The following FOXO1 variants were observed in gnomAD, a reference collection of about 807,000 sequenced individuals.
The protein encoded by FOXO1 is forkhead box O1, also known as forkhead box protein O1.
In FOXO1, 6 loss-of-function variants were observed where a neutral mutation model predicts 44.1. The ratio of observed to expected loss-of-function variants is 0.14; its 90% CI spans 0.07 to 0.27. FOXO1 has a LOEUF of 0.27. FOXO1 is among the 10% of genes least tolerant of loss of function. The probability of loss-of-function intolerance (pLI) is 1.00; values close to 1 mark genes in which losing one functional copy is unlikely to be tolerated. For missense variants in FOXO1, 737 were observed against 888.8 expected (o/e 0.83, Z 2.17); for synonymous variants, 380 against 362.7 (o/e 1.05, Z -0.54).
rs59318977 is a variant in FOXO1, at chr13:40,651,091, GT to G, written c.630+14491del. On this transcript the variant is annotated intron_variant, in intron 1 of 2. Coordinates refer to ENST00000379561, the MANE Select transcript of FOXO1 (RefSeq NM_002015.4). ...CACTGCCTAGTTTTTTTGGTTTTTT[GT>G]TTTTTGTTTTTTGTTTTTGTTTTTT... Among the ~76,000 whole-genome samples the G allele has an allele frequency of 1.5e-4, 23 of 150,354 alleles. No individual in the cohort carries two copies. The East Asian group carries it at 3.2e-3, about 21-fold the overall frequency.
In FOXO1 at chr13:40,557,454, C is replaced by T. The variant is rs986319182; in HGVS notation, c.*1595G>A. The T allele has an allele frequency of 5.3e-5, 8 of 152,224 alleles. No homozygotes were observed. Among genetic ancestry groups the T allele is most frequent in the African/African-American group, 1.9e-4 (8 of 41,466 alleles). 9.4% of individuals were successfully genotyped at this position (152,224 alleles called of 1,614,324 possible). A position where few individuals can be genotyped will look rare whatever the true frequency, so the allele number is the denominator to read the frequency against. Reference sequence around the variant, plus strand: ...CTTTTAACATAATCTCAATGCACAACTTACAGCTGGTTTTCAAATAAATCT... The same window carrying T: ...CTTTTAACATAATCTCAATGCACAATTTACAGCTGGTTTTCAAATAAATCT... On this transcript the variant is annotated 3_prime_UTR_variant, in exon 3 of 3. Coordinates refer to ENST00000379561, the MANE Select transcript of FOXO1 (RefSeq NM_002015.4).
At chr13:40,617,262 A>G (rs1461001485) in intron 1 of FOXO1, among the ~76,000 whole-genome samples, 2 of 152,170 alleles carry the variant, frequency 1.3e-5, no homozygotes, top group African/African-American at 4.8e-5. Context: ...CCTGACCAAC[A>G]TGGAGAAGAC....
chr13:40,619,631 G>A (rs1267314289), intron 1 of FOXO1: 19 of 1,544,200 alleles, frequency 1.2e-5, no homozygotes, highest in African/African-American at 2.7e-5. Context: ...GTGGCTAGGC[G>A]AACAAGAAGC....
chr13:40,597,994 CCTCAGAGAATCGGG>C (rs1246702133), intron 1 of FOXO1, among the ~76,000 whole-genome samples: 1 of 152,134 alleles, frequency 6.6e-6, no homozygotes, highest in African/African-American at 2.4e-5. Context: ...GCTTTCCCAG[CCTCAGAGAATCGGG>C]CTCTCGTTTT....
intron 1 of FOXO1, among the ~76,000 whole-genome samples, chr13:40,583,655 C>T (rs1043999157): frequency 3.9e-5 from 6 of 152,216 alleles, no homozygotes; most frequent in Non-Finnish European, 7.3e-5. Flanking sequence ...CCTCACCTCC[C>T]TCAACCTTCA....
At chr13:40,563,471 C>G (rs1287854094) in intron 1 of FOXO1, among the ~76,000 whole-genome samples, 2 of 152,156 alleles carry the variant, frequency 1.3e-5, no homozygotes, top group East Asian at 3.8e-4. Flanking sequence ...ACGTGACAAG[C>G]CCTCCTGCCA....
intron 1 of FOXO1, among the ~76,000 whole-genome samples, chr13:40,633,297 TA>T (rs1357962834): frequency 2.6e-5 from 4 of 152,110 alleles, no homozygotes; most frequent in Admixed American, 6.5e-5. Context: ...TATATGCACA[TA>T]AAAAAACTAT....
chr13:40,609,814 C>T (rs1218858346), intron 1 of FOXO1, among the ~76,000 whole-genome samples: 5 of 152,004 alleles, frequency 3.3e-5, no homozygotes, highest in Non-Finnish European at 5.9e-5. Flanking sequence ...TTTTATGAGC[C>T]GCTCATTAAA....
rs183162957 is a variant in FOXO1, at chr13:40,599,554, G to A, written c.631-38694C>T. On this transcript the variant is annotated intron_variant, in intron 1 of 2. Transcript: ENST00000379561. The stretch of plus-strand genomic sequence containing the variant: ...ACTTACTAGCACTTATGTTCGTTTT[G>A]TTTATTGAAATTTATACAAATGGAA... Among the ~76,000 whole-genome samples the A allele has an allele frequency of 2.0e-3, 297 of 152,254 alleles. 1 individual carries two copies. The highest frequency in any genetic ancestry group is 6.6e-3 in the African/African-American group (276 of 41,538).
chr13:40,593,759 C>CA (rs1209559663), intron 1 of FOXO1, among the ~76,000 whole-genome samples: 1 of 152,074 alleles, frequency 6.6e-6, no homozygotes, highest in Non-Finnish European at 1.5e-5. Context: ...TATAATGTAA[C>CA]AAAAAAATCA....
chr13:40,642,736 T>G (rs1423550655), intron 1 of FOXO1, among the ~76,000 whole-genome samples: 1 of 151,912 alleles, frequency 6.6e-6, no homozygotes, highest in Non-Finnish European at 1.5e-5. Context: ...CTGGGCAACA[T>G]GGCAAAACAC....
chr13:40,606,418 T>C (rs945106114), intron 1 of FOXO1, among the ~76,000 whole-genome samples: 1 of 152,184 alleles, frequency 6.6e-6, no homozygotes, highest in Non-Finnish European at 1.5e-5. Context: ...CAAGTGATTC[T>C]CCTGTCTCAG....
At chr13:40,653,005 T>C (rs1321457972) in intron 1 of FOXO1, among the ~76,000 whole-genome samples, 1 of 152,152 alleles carries the variant, frequency 6.6e-6, no homozygotes, top group African/African-American at 2.4e-5. Flanking sequence ...AGTATTGCTC[T>C]GTCGCCCAGG....
intron 1 of FOXO1, among the ~76,000 whole-genome samples, chr13:40,565,105 C>T (rs1874216250): frequency 6.6e-6 from 1 of 151,672 alleles, no homozygotes; most frequent in Non-Finnish European, 1.5e-5. Context: ...GCCTCAATAA[C>T]TGTTTGTTGC....
chr13:40,615,634 C>T (rs776970670), intron 1 of FOXO1, among the ~76,000 whole-genome samples: 1 of 152,042 alleles, frequency 6.6e-6, no homozygotes, highest in African/African-American at 2.4e-5. Flanking sequence ...TGATTATCAA[C>T]AATGAGGTCA....
At chr13:40,567,978 A>C (rs977516975) in intron 1 of FOXO1, among the ~76,000 whole-genome samples, 1 of 152,062 alleles carries the variant, frequency 6.6e-6, no homozygotes, top group Non-Finnish European at 1.5e-5. Context: ...AAAAAAAAAA[A>C]ATTTACACAA....
intron 1 of FOXO1, chr13:40,620,535 A>C (rs1876574718): frequency 2.2e-6 from 1 of 445,078 alleles, no homozygotes. Context: ...CACTAGAGAG[A>C]AGCTCTGGTT....
chr13:40,594,418 A>G (rs1399493680), intron 1 of FOXO1, among the ~76,000 whole-genome samples: 2 of 152,194 alleles, frequency 1.3e-5, no homozygotes, highest in Admixed American at 1.3e-4. Context: ...ACTGAGGCCC[A>G]GGGAGACAAA....
At position 40,665,620 on chromosome 13, in the gene FOXO1, T is replaced by G. The variant is rs1434596062; in HGVS notation, c.593A>C (p.Lys198Thr). The part of the protein sequence containing the change: ...EWMVKSVPYF[K>T]DKGDSNSSAG... ...CGAGCTGTTGCTGTCACCCTTATCCTTGAAGTAGGGCACGCTCTTGACCAT... is the reference window on the plus strand; with the variant it reads ...CGAGCTGTTGCTGTCACCCTTATCCGTGAAGTAGGGCACGCTCTTGACCAT... Residue 198 changes from lysine to threonine, a missense_variant, in exon 1 of 3, where the codon AAG (lysine) becomes ACG (threonine). Physicochemically the swap from Lys to Thr is moderately conservative, Grantham distance 78. Around this residue, in one of 7 missense-constraint regions of FOXO1, gnomAD observed 49 missense variants for 50.2 expected, o/e 0.98. Transcript: ENST00000379561. 6.8e-7 allele frequency: 1 copy of G among 1,477,898 alleles called. No individual in the cohort carries two copies. The highest frequency in any genetic ancestry group is 9.1e-7 in the Non-Finnish European group (1 of 1,100,812). 91.5% of individuals were successfully genotyped at this position (1,477,898 alleles called of 1,614,324 possible).
Sources: allele counts gnomAD v4.1 joint callset (sites outside exome capture counted in the v4.1 genomes callset), GRCh38; gene constraint gnomAD v4.1.1; regional missense constraint gnomAD v4.1.1; transcripts MANE v1.5; gene names NCBI Gene and HGNC (gene_info 2026-07-23, HGNC 2026-07-21).